CCDC85A: variants seen among roughly 807,000 people sequenced by gnomAD.
CCDC85A encodes the protein coiled-coil domain-containing protein 85A.
In CCDC85A, 38 loss-of-function variants were observed where a neutral mutation model predicts 50.2. The observed-to-expected ratio is 0.76, with a 90% CI of 0.58 to 0.99. The LOEUF is 0.99. Ranked by LOEUF, CCDC85A falls within the 50% of genes least tolerant of loss-of-function variation. The pLI is 0.00. For synonymous variants in CCDC85A, 366 were observed against 301.4 expected (o/e 1.21, Z -2.22); for missense variants, 820 against 742.0 (o/e 1.11, Z -1.22).
intron 2 of CCDC85A, among the ~76,000 whole-genome samples, chr2:56,315,796 C>T (rs1672894975): frequency 6.6e-6 from 1 of 152,088 alleles, no homozygotes; most frequent in African/African-American, 2.4e-5. Flanking sequence ...CAACTCAAAC[C>T]TTCTCAAATA....
At chr2:56,230,844 G>A (rs921989561) in intron 2 of CCDC85A, among the ~76,000 whole-genome samples, 27 of 152,180 alleles carry the variant, frequency 1.8e-4, no homozygotes, top group African/African-American at 6.3e-4. Context: ...CCCTCTGGAA[G>A]GGTCTAGTAG....
At chr2:56,185,104 G>T (rs977805719) in intron 1 of CCDC85A, among the ~76,000 whole-genome samples, 29 of 138,316 alleles carry the variant, frequency 2.1e-4, no homozygotes, top group African/African-American at 7.2e-4. Context: ...TCCCCAACAC[G>T]GGGCGCTCCA....
intron 3 of CCDC85A, among the ~76,000 whole-genome samples, chr2:56,345,556 T>C (rs1339202922): frequency 3.9e-5 from 6 of 152,194 alleles, no homozygotes; most frequent in Non-Finnish European, 8.8e-5. Flanking sequence ...TGCCTTCATT[T>C]ACTACTAAGA....
At chr2:56,271,790 C>T (rs568218288) in intron 2 of CCDC85A, among the ~76,000 whole-genome samples, 5 of 152,128 alleles carry the variant, frequency 3.3e-5, no homozygotes, top group Admixed American at 2.6e-4. Context: ...CAAGTACTGG[C>T]TGCTTAGAGT....
chr2:56,357,014 G>A (rs1415500644), intron 3 of CCDC85A, among the ~76,000 whole-genome samples: 1 of 151,430 alleles, frequency 6.6e-6, no homozygotes, highest in African/African-American at 2.4e-5. Context: ...GGGAGGCGGA[G>A]CTTGCAGTGA....
At chr2:56,276,505 A>T (rs977063666) in intron 2 of CCDC85A, among the ~76,000 whole-genome samples, 2 of 152,092 alleles carry the variant, frequency 1.3e-5, no homozygotes, top group Non-Finnish European at 2.9e-5. Context: ...ATCTCATGGT[A>T]GTGAATGAGT....
chr2:56,295,472 T>C (rs1671906980), intron 2 of CCDC85A, among the ~76,000 whole-genome samples: 1 of 152,202 alleles, frequency 6.6e-6, no homozygotes, highest in African/African-American at 2.4e-5. Context: ...TGTTGTGATG[T>C]AGCAAATCAG....
In CCDC85A at chr2:56,366,932, A is replaced by G. The variant is rs970051231; in HGVS notation, c.1318-5412A>G. Among the ~76,000 whole-genome samples the G allele has an allele frequency of 7.9e-5, 12 of 152,158 alleles. No individual in the cohort carries two copies. In the South Asian group the frequency reaches 2.1e-3, roughly 26 times the overall value. ...CTTTTTATCTATTTAATCTTTTGCC[A>G]TTATCTTATAATGCTTTCATTAGCA... is the stretch of plus-strand genomic sequence containing the variant. On this transcript the variant is annotated intron_variant, in intron 3 of 5. Transcript: ENST00000407595.
intron 3 of CCDC85A, among the ~76,000 whole-genome samples, chr2:56,363,533 C>G (rs1675641306): frequency 6.6e-6 from 1 of 152,166 alleles, no homozygotes; most frequent in Non-Finnish European, 1.5e-5. Flanking sequence ...ATTGACCTCT[C>G]TCTTGTCTTG....
chr2:56,198,001 A>G (rs1558579530), intron 2 of CCDC85A, among the ~76,000 whole-genome samples: 1 of 147,138 alleles, frequency 6.8e-6, no homozygotes, highest in East Asian at 2.1e-4. Flanking sequence ...TATTTCCCAC[A>G]AGAGAATATT....
intron 2 of CCDC85A, among the ~76,000 whole-genome samples, chr2:56,259,670 G>T (rs1670138670): frequency 6.6e-6 from 1 of 152,152 alleles, no homozygotes; most frequent in Admixed American, 6.5e-5. Context: ...CTGCCTGCCT[G>T]GCTGGAGCTG....
chr2:56,259,779 T>C (rs1035751373), intron 2 of CCDC85A, among the ~76,000 whole-genome samples: 2 of 152,206 alleles, frequency 1.3e-5, no homozygotes, highest in African/African-American at 4.8e-5. Context: ...ACCAGGAAGC[T>C]TCTTTGTCTT....
chr2:56,235,463 A>G (rs1253373598), intron 2 of CCDC85A: 1 of 151,648 alleles, frequency 6.6e-6, no homozygotes, highest in Non-Finnish European at 1.5e-5. Flanking sequence ...TTGAGCATGA[A>G]TGAAAAAGGT....
chr2:56,248,374 GAT>G (rs1669602681), intron 2 of CCDC85A, among the ~76,000 whole-genome samples: 1 of 152,144 alleles, frequency 6.6e-6, no homozygotes, highest in Non-Finnish European at 1.5e-5. Context: ...GGTGTACTCA[GAT>G]GCTCCTTGTA....
At chr2:56,289,978 C>T (rs1257141429) in intron 2 of CCDC85A, among the ~76,000 whole-genome samples, 1 of 152,032 alleles carries the variant, frequency 6.6e-6, no homozygotes, top group Non-Finnish European at 1.5e-5. Context: ...AAACCTTATC[C>T]CAGAGGGGTC....
chr2:56,373,781 C>T (rs1315503871), intron 4 of CCDC85A, among the ~76,000 whole-genome samples: 3 of 152,090 alleles, frequency 2.0e-5, no homozygotes, highest in African/African-American at 4.8e-5. Flanking sequence ...TTCTGTATAA[C>T]CTGAGAAATC....
intron 2 of CCDC85A, among the ~76,000 whole-genome samples, chr2:56,208,950 T>C (rs760599915): frequency 1.3e-5 from 2 of 151,974 alleles, no homozygotes; most frequent in Admixed American, 1.3e-4. Flanking sequence ...AAGCAGACAA[T>C]CTTCATCTTT....
chr2:56,218,335 T>C (rs956657194), intron 2 of CCDC85A, among the ~76,000 whole-genome samples: 1 of 151,830 alleles, frequency 6.6e-6, no homozygotes, highest in Non-Finnish European at 1.5e-5. Context: ...AAATAAAAAA[T>C]AACCTTTTAA....
At chr2:56,305,621 G>A (rs1001418178) in intron 2 of CCDC85A, among the ~76,000 whole-genome samples, 1 of 152,232 alleles carries the variant, frequency 6.6e-6, no homozygotes, top group Non-Finnish European at 1.5e-5. Flanking sequence ...TGCCTCACAG[G>A]CAGCAGGATT....
Sources: allele counts gnomAD v4.1 joint callset (sites outside exome capture counted in the v4.1 genomes callset), GRCh38; gene constraint gnomAD v4.1.1; transcripts MANE v1.5; gene names NCBI Gene and HGNC (gene_info 2026-07-23, HGNC 2026-07-21).